GRIK2: variants seen among roughly 807,000 people sequenced by gnomAD.
The protein encoded by GRIK2 is glutamate receptor ionotropic, kainate 2.
A neutral mutation model predicts 100.3 loss-of-function variants in GRIK2; 32 were observed. The ratio of observed to expected loss-of-function variants is 0.32; its 90% CI spans 0.24 to 0.43. GRIK2 has a LOEUF of 0.43. Ranked by LOEUF, GRIK2 falls within the 20% of genes least tolerant of loss-of-function variation. The pLI is 1.00. For synonymous variants in GRIK2, 417 were observed against 389.4 expected, an observed-to-expected ratio of 1.07 and a Z score of -0.83; for missense variants, 843 against 1,114.9, an observed-to-expected ratio of 0.76 and a Z score of 3.47.
intron 2 of GRIK2, among the ~76,000 whole-genome samples, chr6:101,616,176 A>G (rs907701309): frequency 1.3e-5 from 2 of 151,816 alleles, no homozygotes; most frequent in African/African-American, 4.8e-5. Flanking sequence ...TAAATATGTT[A>G]AGTCTTTCTC....
chr6:101,901,158 G>C (rs970067656), intron 12 of GRIK2, among the ~76,000 whole-genome samples: 5 of 151,758 alleles, frequency 3.3e-5, no homozygotes, highest in African/African-American at 1.2e-4. Flanking sequence ...CAAATAAATA[G>C]CTATATTGGT....
At chr6:101,499,422 T>C (rs2128272571) in intron 2 of GRIK2, among the ~76,000 whole-genome samples, 1 of 152,240 alleles carries the variant, frequency 6.6e-6, no homozygotes, top group Non-Finnish European at 1.5e-5. Context: ...TAAGGCTTTA[T>C]TTGTTTTAGA....
At chr6:101,888,468 A>G (rs1786813594) in intron 11 of GRIK2, among the ~76,000 whole-genome samples, 1 of 152,156 alleles carries the variant, frequency 6.6e-6, no homozygotes, top group Non-Finnish European at 1.5e-5. Flanking sequence ...TATTTGATTT[A>G]TGAATATGAA....
At chr6:101,521,616 G>A (rs188403765) in intron 2 of GRIK2, among the ~76,000 whole-genome samples, 309 of 151,700 alleles carry the variant, frequency 2.0e-3, no homozygotes, top group African/African-American at 7.2e-3. Context: ...TTTGAATAGC[G>A]TAAAATTTTT....
intron 4 of GRIK2, among the ~76,000 whole-genome samples, chr6:101,665,738 T>C (rs1769984282): frequency 6.6e-6 from 1 of 152,208 alleles, no homozygotes; most frequent in Admixed American, 6.5e-5. Context: ...AGGTAAGAGT[T>C]GGTCATTTTC....
Position 101,802,403 on chromosome 6 carries a change from G to A in GRIK2, c.1168G>A (p.Asp390Asn). 6.3e-7 allele frequency: 1 copy of A among 1,583,518 alleles called. No homozygotes were observed. Among genetic ancestry groups the A allele is most frequent in the African/African-American group, 1.3e-5 (1 of 74,096 alleles). Reference sequence around the variant, plus strand: ...TGGCTTGAGAACAGATTTTGATTTGGATGTGATCAGTCTGAAGGAAGAAGG... The same window carrying A: ...TGGCTTGAGAACAGATTTTGATTTGAATGTGATCAGTCTGAAGGAAGAAGG... ...TNGLRTDFDL[D>N]VISLKEEGLE... Residue 390 changes from aspartate to asparagine, a missense_variant, in exon 9 of 17, where the codon GAT (aspartate) becomes AAT (asparagine). This residue lies in a region of GRIK2 where 519 missense variants were observed against 643.8 expected (regional missense o/e 0.81). Coordinates refer to ENST00000369134, the MANE Select transcript of GRIK2 (RefSeq NM_021956.5).
intron 4 of GRIK2, among the ~76,000 whole-genome samples, chr6:101,647,730 A>G (rs1436959906): frequency 6.6e-6 from 1 of 152,028 alleles, no homozygotes; most frequent in East Asian, 1.9e-4. Flanking sequence ...CCTCTGCCAT[A>G]TTTTAAAAGG....
intron 7 of GRIK2, among the ~76,000 whole-genome samples, chr6:101,784,036 C>T (rs529300985): frequency 2.0e-5 from 3 of 152,236 alleles, no homozygotes; most frequent in South Asian, 2.1e-4. Flanking sequence ...AAAGAAAAAC[C>T]CGTCTTCTGG....
chr6:102,026,218 AT>A (rs1307124276), intron 14 of GRIK2, among the ~76,000 whole-genome samples: 2 of 145,426 alleles, frequency 1.4e-5, no homozygotes, highest in Non-Finnish European at 3.0e-5. Context: ...CTTTTGATTG[AT>A]TATGTAAAAC....
At chr6:101,788,295 G>C (rs894210418) in intron 7 of GRIK2, among the ~76,000 whole-genome samples, 1 of 151,678 alleles carries the variant, frequency 6.6e-6, no homozygotes, top group Non-Finnish European at 1.5e-5. Flanking sequence ...TGCCATGCTG[G>C]TGTGCTGCAC....
intron 2 of GRIK2, among the ~76,000 whole-genome samples, chr6:101,565,915 T>TATATATA (rs1777234411): frequency 3.2e-5 from 4 of 123,338 alleles, no homozygotes; most frequent in African/African-American, 1.0e-4. Flanking sequence ...TATACCTATT[T>TATATATA]TATATATATA....
intron 7 of GRIK2, among the ~76,000 whole-genome samples, chr6:101,686,894 G>A (rs971447236): frequency 5.9e-5 from 9 of 152,044 alleles, no homozygotes; most frequent in Non-Finnish European, 1.2e-4. Context: ...TATGAAAGAA[G>A]GGTATATTCT....
intron 14 of GRIK2, among the ~76,000 whole-genome samples, chr6:101,958,931 T>C (rs1792113306): frequency 6.6e-6 from 1 of 152,066 alleles, no homozygotes; most frequent in South Asian, 2.1e-4. Flanking sequence ...GGCTTGCTAG[T>C]ATTTTTTAGA....
At position 101,899,001 on chromosome 6, in the gene GRIK2, C is replaced by T. The variant is rs138262325; in HGVS notation, c.1748+9138C>T. The stretch of plus-strand genomic sequence containing the variant: ...ACACCTTAATTGCTATAATTTTTTA[C>T]ATTCCATTACATAATTACATCATTC... On this transcript the variant is annotated intron_variant, in intron 12 of 16. Transcript: ENST00000369134. 6.1e-4 allele frequency among the ~76,000 whole-genome samples: 93 copies of T among 151,734 alleles called. 1 individual carries two copies. In the East Asian group the frequency reaches 0.016, roughly 26 times the overall value.
intron 10 of GRIK2, among the ~76,000 whole-genome samples, chr6:101,827,556 G>A (rs1782417243): frequency 6.6e-6 from 1 of 151,684 alleles, no homozygotes; most frequent in South Asian, 2.1e-4. Context: ...GACACCCATA[G>A]ACTCAAAATA....
intron 12 of GRIK2, among the ~76,000 whole-genome samples, chr6:101,912,298 C>CTTGCAA (rs1788776383): frequency 1.3e-5 from 2 of 151,274 alleles, no homozygotes; most frequent in African/African-American, 4.8e-5. Flanking sequence ...TTAAAAAACT[C>CTTGCAA]GTTTTCAAGG....
At chr6:101,574,928 C>T (rs1777727460) in intron 2 of GRIK2, among the ~76,000 whole-genome samples, 2 of 151,582 alleles carry the variant, frequency 1.3e-5, no homozygotes, top group South Asian at 4.1e-4. Flanking sequence ...TTCTTATATG[C>T]TGGGGAAATT....
In GRIK2 at chr6:102,055,739, T is replaced by A. The variant is rs1373051221; in HGVS notation, c.2562+159T>A. ...CATTACATAACAAAATATTATATTT[T>A]GTGAAATTTCACAGAAAGACTCATG... On this transcript the variant is annotated intron_variant, in intron 16 of 16. Coordinates refer to ENST00000369134, the MANE Select transcript of GRIK2 (RefSeq NM_021956.5). Among the ~76,000 whole-genome samples, 3 of 152,130 alleles carry A rather than the reference T, an allele frequency of 2.0e-5. No individual in the cohort carries two copies. The East Asian group carries it at 5.8e-4, about 29-fold the overall frequency.
intron 2 of GRIK2, among the ~76,000 whole-genome samples, chr6:101,593,157 G>T (rs1318937120): frequency 4.6e-5 from 7 of 151,750 alleles, no homozygotes. Context: ...ACTTGGTTTG[G>T]TGTTGGCATA....
Sources: allele counts gnomAD v4.1 joint callset (sites outside exome capture counted in the v4.1 genomes callset), GRCh38; gene constraint gnomAD v4.1.1; regional missense constraint gnomAD v4.1.1; transcripts MANE v1.5; gene names NCBI Gene and HGNC (gene_info 2026-07-23, HGNC 2026-07-21).